Variants in CREB3L3 observed in about 807,000 individuals in gnomAD.
The protein encoded by CREB3L3 is cyclic AMP-responsive element-binding protein 3-like protein 3.
Under a neutral mutation model 44.6 loss-of-function variants are expected in CREB3L3, and 40 were observed. The observed-to-expected ratio is 0.90, with a 90% CI of 0.70 to 1.17. The LOEUF is 1.17. Ranked by LOEUF, CREB3L3 falls within the 50% of genes most tolerant of loss-of-function variation. The probability of loss-of-function intolerance (pLI) is 0.00; values close to 1 mark genes in which losing one functional copy is unlikely to be tolerated. For synonymous variants in CREB3L3, 273 were observed against 256.3 expected (o/e 1.06, Z -0.62); for missense variants, 578 against 595.8 (o/e 0.97, Z 0.31).
chr19:4,158,273 G>A (rs1206703840), intron 3 of CREB3L3, among the ~76,000 whole-genome samples: 2 of 152,062 alleles, frequency 1.3e-5, no homozygotes, highest in East Asian at 1.9e-4. Context: ...TGAGGCAGGC[G>A]GATCACTTGA....
chr19:4,171,206 G>T lies in CREB3L3; in HGVS notation c.975+31G>T, dbSNP rs955520495. Reference sequence around the variant, plus strand: ...TCCTGGTGCCCCCAGGCAAGCCGGGGACCTAGGCTTCTGTAGAGGGGCCCA... The same window carrying T: ...TCCTGGTGCCCCCAGGCAAGCCGGGTACCTAGGCTTCTGTAGAGGGGCCCA... On this transcript the variant is annotated intron_variant, in intron 8 of 9. Transcript: ENST00000078445. The surrounding 1 kb of genome is among the most constrained non-coding windows in gnomAD (Gnocchi z 4.9). 6.9e-6 allele frequency: 11 copies of T among 1,596,752 alleles called. No individual in the cohort carries two copies. Among genetic ancestry groups the T allele is most frequent in the Non-Finnish European group, 8.6e-6 (10 of 1,164,412 alleles).
intron 4 of CREB3L3, among the ~76,000 whole-genome samples, chr19:4,162,938 C>T (rs939271212): frequency 2.0e-5 from 3 of 152,080 alleles, no homozygotes; most frequent in South Asian, 2.1e-4. Flanking sequence ...GAGAGCACCA[C>T]GGCACTCCAA....
chr19:4,164,553 C>G lies in CREB3L3; in HGVS notation c.627C>G (p.His209Gln). The change falls in exon 5 of 10, where the codon CAC (histidine) becomes CAG (glutamine). Residue 209 changes from histidine (H) to glutamine (Q), a missense_variant. By Grantham distance (24) the His-to-Gln change is conservative (BLOSUM62 0). Coordinates refer to ENST00000078445, the MANE Select transcript of CREB3L3 (RefSeq NM_032607.3). ...ASYLLRPGAG[H>Q]CQELVLTEDE... The stretch of plus-strand genomic sequence containing the variant: ...ACCTCCTGCGACCTGGGGCTGGGCA[C>G]TGTCAGGAGCTGGTGCTCACCGAGG... 1.9e-6 allele frequency: 3 copies of G among 1,614,130 alleles called. No individual in the cohort carries two copies. The highest frequency in any genetic ancestry group is 2.5e-6 in the Non-Finnish European group (3 of 1,180,020).
rs1228149894 is a variant in CREB3L3, at chr19:4,171,714, A to C, written c.1131A>C (p.Pro377=). The C allele has an allele frequency of 1.2e-6, 2 of 1,613,274 alleles. No homozygotes were observed. The highest frequency in any genetic ancestry group is 1.7e-6 in the Non-Finnish European group (2 of 1,180,016). Residue 377 remains proline, a synonymous_variant, in exon 10 of 10, where the codon CCA becomes CCC. Transcript: ENST00000078445. This position sits in a 1 kb window ranked among gnomAD's most constrained non-coding sequence, Gnocchi z 4.9. The stretch of plus-strand genomic sequence containing the variant: ...CCCGCGTGGCTGCTGATGCTGTGCC[A>C]GGCTCCGAGGCCCCAGGACCCCGAC... The part of the protein sequence containing the change: ...AASRVAADAV[P]GSEAPGPRPE...
rs770823718 is a variant in CREB3L3 at position 4,171,108 on chromosome 19, T to C, written c.908T>C (p.Leu303Pro). The change falls in exon 8 of 10, where the codon CTG becomes CCG. Residue 303 changes from leucine (L) to proline (P), a missense_variant. Transcript: ENST00000078445. The surrounding 1 kb of genome is among the most constrained non-coding windows in gnomAD (Gnocchi z 4.9). ...EKQNLSLLEQ[L>P]KKLQAIVVQS... ...TCTCTAAGGTCCCTCTTGGAGCAAC[T>C]GAAGAAACTCCAGGCCATTGTGGTG... is the stretch of plus-strand genomic sequence containing the variant. The C allele has an allele frequency of 4.3e-6, 7 of 1,614,088 alleles. No individual in the cohort carries two copies. In the Admixed American group the frequency reaches 5.0e-5, roughly 12 times the overall value.
At chr19:4,167,330 C>T (rs112234323) in intron 5 of CREB3L3, among the ~76,000 whole-genome samples, 170 of 64,276 alleles carry the variant, frequency 2.6e-3, no homozygotes, top group Middle Eastern at 0.018. Context: ...GTGACAAGAG[C>T]GAAACAAGAA....
At chr19:4,163,952 C>T (rs1016127904) in intron 4 of CREB3L3, among the ~76,000 whole-genome samples, 3 of 150,584 alleles carry the variant, frequency 2.0e-5, no homozygotes, top group East Asian at 2.0e-4. Flanking sequence ...TTACAGGCGC[C>T]GCCACCATGG....
intron 4 of CREB3L3, among the ~76,000 whole-genome samples, chr19:4,162,843 C>A (rs537341477): frequency 6.6e-6 from 1 of 152,042 alleles, no homozygotes; most frequent in African/African-American, 2.4e-5. Context: ...CCAAGCATGG[C>A]GGTACGCTCT....
intron 4 of CREB3L3, among the ~76,000 whole-genome samples, chr19:4,162,553 G>A (rs137929658): frequency 0.011 from 1,548 of 145,268 alleles, 26 homozygotes; most frequent in African/African-American, 0.037. Flanking sequence ...GTGTGGTGGC[G>A]CACACCTGTA....
Position 4,159,758 on chromosome 19 carries a change from C to A in CREB3L3, c.552C>A (p.Leu184=). 3 of 1,556,854 alleles carry A rather than the reference C, an allele frequency of 1.9e-6. No homozygotes were observed. The highest frequency in any genetic ancestry group is 1.8e-6 in the Non-Finnish European group (2 of 1,127,952). Residue 184 remains leucine (L), a synonymous_variant, in exon 4 of 10, where the codon CTC becomes CTA. Transcript: ENST00000078445. The part of the protein sequence containing the change: ...PRCNLTVKDL[L]LSGSSGDLQQ... The stretch of plus-strand genomic sequence containing the variant: ...GCAATCTCACCGTGAAAGACCTCCT[C>A]CTTTCGGGCAGCAGTGGGGACCTGG...
chr19:4,156,081 T>TTCTCTC (rs57754643), intron 2 of CREB3L3, among the ~76,000 whole-genome samples: 7 of 124,524 alleles, frequency 5.6e-5, no homozygotes, highest in African/African-American at 1.8e-4. Context: ...TCTCTCTCGT[T>TTCTCTC]TCTCTCTCTC....
rs375703646 is a variant in CREB3L3, at chr19:4,171,101, G to C, written c.901G>C (p.Glu301Gln). The stretch of plus-strand genomic sequence containing the variant: ...GCCTGTCTCTCTAAGGTCCCTCTTG[G>C]AGCAACTGAAGAAACTCCAGGCCAT... ...HLEKQNLSLLEQLKKLQAIVV... is the reference protein window; with the variant it reads ...HLEKQNLSLLQQLKKLQAIVV... The change falls in exon 8 of 10, where the codon GAG becomes CAG. Residue 301 changes from glutamate to glutamine, a missense_variant. Physicochemically the swap from Glu to Gln is conservative, Grantham distance 29. Coordinates refer to ENST00000078445, the MANE Select transcript of CREB3L3 (RefSeq NM_032607.3). The surrounding 1 kb of genome is among the most constrained non-coding windows in gnomAD (Gnocchi z 4.9). 1.9e-6 allele frequency: 3 copies of C among 1,613,908 alleles called. No individual in the cohort carries two copies. In the African/African-American group the frequency reaches 4.0e-5, roughly 22 times the overall value.
At chr19:4,167,573 G>T (rs1413359320) in intron 5 of CREB3L3, among the ~76,000 whole-genome samples, 1 of 151,068 alleles carries the variant, frequency 6.6e-6, no homozygotes, top group Non-Finnish European at 1.5e-5. Flanking sequence ...GAAAAGAAAG[G>T]AAAGAAAAGA....
rs1054561719 is a variant in CREB3L3 at position 4,172,354 on chromosome 19, C to G, written c.*385C>G. ...AGACACAGCCTGAAACAGACCCAGA[C>G]AGACAGACAGACAGCCTGAAACAGA... is the stretch of plus-strand genomic sequence containing the variant. On this transcript the variant is annotated 3_prime_UTR_variant, in exon 10 of 10. Transcript: ENST00000078445. 2.6e-6 allele frequency: 1 copy of G among 384,594 alleles called. No individual in the cohort carries two copies. Among genetic ancestry groups the G allele is most frequent in the Non-Finnish European group, 4.8e-6 (1 of 208,020 alleles). The allele number at this position is 384,594 out of a possible 1,614,324, so 23.8% of individuals were successfully genotyped here.
Position 4,164,645 on chromosome 19 carries a change from G to T in CREB3L3, c.714+5G>T, listed in dbSNP as rs1441585494. 6.2e-7 allele frequency: 1 copy of T among 1,614,006 alleles called. No individual in the cohort carries two copies. Among genetic ancestry groups the T allele is most frequent in the Admixed American group, 1.7e-5 (1 of 59,998 alleles). On this transcript the variant is annotated splice_donor_5th_base_variant and intron_variant, in intron 5 of 9. Coordinates refer to ENST00000078445, the MANE Select transcript of CREB3L3 (RefSeq NM_032607.3). ...ACTCAGCTGCCCCTCACTAAGGTGA[G>T]TCTGGGGGGACTTCCAGCCCTGGAT...
At chr19:4,162,745 G>A (rs1279383222) in intron 4 of CREB3L3, among the ~76,000 whole-genome samples, 3 of 151,228 alleles carry the variant, frequency 2.0e-5, no homozygotes, top group Admixed American at 6.6e-5. Context: ...TTGGGAGGCT[G>A]AAGTGGACAG....
chr19:4,165,420 C>CG (rs1376776687), intron 5 of CREB3L3, among the ~76,000 whole-genome samples: 2 of 151,708 alleles, frequency 1.3e-5, no homozygotes. Flanking sequence ...AGTGATTCTC[C>CG]CACCTTGGCC....
chr19:4,169,122 G>C (rs1966987174), intron 6 of CREB3L3, among the ~76,000 whole-genome samples: 1 of 151,996 alleles, frequency 6.6e-6, no homozygotes, highest in African/African-American at 2.4e-5. Context: ...CTGGGTAATT[G>C]TATCCCATTT....
intron 4 of CREB3L3, 187 bp from the exon 5 acceptor site, chr19:4,164,316 C>G: frequency 2.9e-6 from 2 of 700,188 alleles, no homozygotes; most frequent in Non-Finnish European, 5.0e-6. Context: ...TCATGTTACC[C>G]AGGCTGGTCT....
Sources: gnomAD v4.1 joint callset for allele counts (sites outside exome capture counted in the v4.1 genomes callset) on GRCh38, gnomAD v4.1.1 for gene constraint, Gnocchi (gnomAD v3.1) non-coding constraint, MANE v1.5 for transcripts, NCBI Gene and HGNC (gene_info 2026-07-23, HGNC 2026-07-21) for gene names.